The following NOTCH4 variants were observed in gnomAD, a reference collection of about 807,000 sequenced individuals.
NOTCH4 encodes neurogenic locus notch homolog protein 4.
Under a neutral mutation model 189.0 loss-of-function variants are expected in NOTCH4, and 138 were observed. That is an observed-to-expected ratio of 0.73 (90% CI 0.64 to 0.84). The LOEUF (loss-of-function observed/expected upper bound fraction) is 0.84, where lower values mean the gene tolerates loss of function less well. NOTCH4 is among the 40% of genes least tolerant of loss of function. The probability of loss-of-function intolerance (pLI) is 0.00; values close to 1 mark genes in which losing one functional copy is unlikely to be tolerated. For missense variants in NOTCH4, 2,286 were observed against 2,605.4 expected, an observed-to-expected ratio of 0.88 and a Z score of 2.67; for synonymous variants, 942 against 1,032.8, an observed-to-expected ratio of 0.91 and a Z score of 1.69.
intron 18 of NOTCH4, among the ~76,000 whole-genome samples, chr6:32,205,331 C>T (rs1480495062): frequency 2.6e-5 from 4 of 151,526 alleles, no homozygotes; most frequent in East Asian, 4.0e-4. Flanking sequence ...GGGCAGATCA[C>T]GAGGTCAGGA....
Position 32,203,779 on chromosome 6 carries a change from G to T in NOTCH4, c.3222C>A (p.His1074Gln). 1 of 1,554,852 alleles carries T rather than the reference G, an allele frequency of 6.4e-7. No homozygotes were observed. Among genetic ancestry groups the T allele is most frequent in the Non-Finnish European group, 8.7e-7 (1 of 1,148,940 alleles). Residue 1074 changes from histidine to glutamine, a missense_variant, in exon 20 of 30, where the codon CAC becomes CAA. His to Gln is a conservative substitution (Grantham distance 24, BLOSUM62 0). Coordinates refer to ENST00000375023, the MANE Select transcript of NOTCH4 (RefSeq NM_004557.4). ...TAGSPLGFICHCPKGFEGPTC... is the reference protein window; with the variant it reads ...TAGSPLGFICQCPKGFEGPTC... ...ATTTGTGGTCACTTGCCTTGGGGCAGTGGCAGATGAAACCCAGGGGTGATC... is the reference window on the plus strand; with the variant it reads ...ATTTGTGGTCACTTGCCTTGGGGCATTGGCAGATGAAACCCAGGGGTGATC...
Position 32,197,614 on chromosome 6 carries a change from A to G in NOTCH4, c.4757-20T>C. 6.3e-7 allele frequency: 1 copy of G among 1,593,020 alleles called. No individual in the cohort carries two copies. Among genetic ancestry groups the G allele is most frequent in the Non-Finnish European group, 8.5e-7 (1 of 1,170,056 alleles). ...CCCCATCTGTTGGTAAGACAGAGTA[A>G]TGGGTCAATCTAAAGGACACAACAA... On this transcript the variant is annotated intron_variant, in intron 26 of 29. Coordinates refer to ENST00000375023, the MANE Select transcript of NOTCH4 (RefSeq NM_004557.4).
chr6:32,197,355 C>T lies in NOTCH4; in HGVS notation c.4996G>A (p.Ala1666Thr), dbSNP rs2127460946. The T allele has an allele frequency of 6.5e-7, 1 of 1,535,422 alleles. No homozygotes were observed. The highest frequency in any genetic ancestry group is 8.8e-7 in the Non-Finnish European group (1 of 1,141,880). Residue 1666 changes from alanine (A) to threonine (T), a missense_variant, in exon 27 of 30, where the codon GCA becomes ACA. This residue lies in a region of NOTCH4 where 1,903 missense variants were observed against 2,261.9 expected (regional missense o/e 0.84). Transcript: ENST00000375023. ...AGANPNQPDR[A>T]GRTPLHAAVA... ...GCAGCATGAAGGGGTGTGCGCCCTG[C>T]CCGGTCTGGCTGGTTGGGGTTGGCT...
chr6:32,201,293 C>T lies in NOTCH4; in HGVS notation c.3963G>A (p.Leu1321=). The part of the protein sequence containing the change: ...QLFALARVLS[L]TLRVGLWVRK... ...TTACCCAGAGTCCTACCCTCAGAGT[C>T]AGGGACAGCACCCGGGCCAGGGCAA... The change falls in exon 22 of 30, where the codon CTG becomes CTA. Residue 1321 remains leucine, a synonymous_variant. Coordinates refer to ENST00000375023, the MANE Select transcript of NOTCH4 (RefSeq NM_004557.4). This position sits in a 1 kb window ranked among gnomAD's most constrained non-coding sequence, Gnocchi z 5.5. 6.2e-7 allele frequency: 1 copy of T among 1,613,008 alleles called. No homozygotes were observed.
chr6:32,213,602 A>G, intron 14 of NOTCH4, 86 bp downstream of exon 14: 4 of 1,490,382 alleles, frequency 2.7e-6, no homozygotes, highest in Non-Finnish European at 2.7e-6. Flanking sequence ...GTTCAATTAA[A>G]TTTTAAAAAA....
Position 32,201,544 on chromosome 6 carries a change from G to A in NOTCH4, c.3756-44C>T. ...GGGACTCAGGACCTCCCTAAAACCT[G>A]ACTCTTTTCTTCACCCTAGAAAGAA... On this transcript the variant is annotated intron_variant, in intron 21 of 29. Transcript: ENST00000375023. This position sits in a 1 kb window ranked among gnomAD's most constrained non-coding sequence, Gnocchi z 5.5. The A allele has an allele frequency of 4.2e-6, 6 of 1,421,980 alleles. 1 individual carries two copies. In the South Asian group the frequency reaches 8.7e-5, roughly 21 times the overall value. 88.1% of individuals were successfully genotyped at this position (1,421,980 alleles called of 1,614,324 possible). A position where few individuals can be genotyped will look rare whatever the true frequency, so the allele number is the denominator to read the frequency against.
At chr6:32,223,736 T>C in intron 1 of NOTCH4, 120 bp downstream of exon 1, 13 of 1,036,926 alleles carry the variant, frequency 1.3e-5, no homozygotes, top group African/African-American at 3.2e-5. Flanking sequence ...ATTTGGGCAG[T>C]GAGAATCTCC....
Position 32,221,803 on chromosome 6 carries a change from T to C in NOTCH4, c.452-478A>G, listed in dbSNP as rs1789798626. Among the ~76,000 whole-genome samples, 1 of 152,184 alleles carries C rather than the reference T, an allele frequency of 6.6e-6. No individual in the cohort carries two copies. The highest frequency in any genetic ancestry group is 2.4e-5 in the African/African-American group (1 of 41,436). On this transcript the variant is annotated intron_variant, in intron 3 of 29. Coordinates refer to ENST00000375023, the MANE Select transcript of NOTCH4 (RefSeq NM_004557.4). This position sits in a 1 kb window ranked among gnomAD's most constrained non-coding sequence, Gnocchi z 4.3. ...TGGCGGCAGCAGTGGAGGTGCCAGG[T>C]GCTGAGCTGAGCAAGCATCTCCTGA...
rs759023119 is a variant in NOTCH4 at position 32,198,769 on chromosome 6, T to G, written c.4536-39A>C. 3 of 1,574,192 alleles carry G rather than the reference T, an allele frequency of 1.9e-6. No homozygotes were observed. Among genetic ancestry groups the G allele is most frequent in the East Asian group, 4.5e-5 (2 of 44,726 alleles). ...GGTGGGTAGAGGTTACACGGAATTA[T>G]GACCATCAGGGTCTCCAAAATTTCC... On this transcript the variant is annotated intron_variant, in intron 24 of 29. Transcript: ENST00000375023. The surrounding 1 kb of genome is among the most constrained non-coding windows in gnomAD (Gnocchi z 5.5).
chr6:32,216,695 T>G, intron 11 of NOTCH4: 1 of 595,816 alleles, frequency 1.7e-6, no homozygotes, highest in South Asian at 2.0e-5. Context: ...TGCCTTTTCT[T>G]TGAGCCCCGT....
At chr6:32,196,510 G>C (rs1232725419) in intron 28 of NOTCH4, 89 bp from the exon 29 acceptor site, 1 of 1,496,780 alleles carries the variant, frequency 6.7e-7, no homozygotes, top group East Asian at 2.3e-5. Flanking sequence ...TGGGGGAAGG[G>C]CTATTCGGGC....
chr6:32,216,766 C>A, intron 11 of NOTCH4, 179 bp downstream of exon 11: 1 of 790,630 alleles, frequency 1.3e-6, no homozygotes, highest in South Asian at 1.6e-5. Flanking sequence ...CCTACGGTAA[C>A]CCCTGCCCTT....
rs1211517676 is a variant in NOTCH4, at chr6:32,213,227, A to G, written c.2346T>C (p.Cys782=). 1.5e-5 allele frequency: 25 copies of G among 1,613,726 alleles called. No individual in the cohort carries two copies. Among genetic ancestry groups the G allele is most frequent in the Non-Finnish European group, 2.1e-5 (25 of 1,179,850 alleles). The change falls in exon 15 of 30, where the codon TGT becomes TGC. Residue 782 remains cysteine, a synonymous_variant. Coordinates refer to ENST00000375023, the MANE Select transcript of NOTCH4 (RefSeq NM_004557.4). ...AGGAGAAGGTGCCAGGCCTGTTCAC[A>G]CAGGTACCCCCATTGAAGCACGGGG... ...VSAPCFNGGT[C]VNRPGTFSCL...
intron 1 of NOTCH4, among the ~76,000 whole-genome samples, 193 bp downstream of exon 1, chr6:32,223,663 C>A (rs912833320): frequency 6.6e-6 from 1 of 152,090 alleles, no homozygotes; most frequent in Non-Finnish European, 1.5e-5. Flanking sequence ...GCAGTCACCA[C>A]CCCTGGCACC....
chr6:32,206,003 T>C (rs1788655253), intron 18 of NOTCH4, among the ~76,000 whole-genome samples: 2 of 151,898 alleles, frequency 1.3e-5, no homozygotes, highest in African/African-American at 4.8e-5. Flanking sequence ...CACCACTACA[T>C]TCCAGCCTGA....
rs1303653561 is a variant in NOTCH4, at chr6:32,201,212, T to G, written c.4044A>C (p.Glu1348Asp). The G allele has an allele frequency of 6.2e-7, 1 of 1,612,988 alleles. No individual in the cohort carries two copies. The highest frequency in any genetic ancestry group is 1.1e-5 in the South Asian group (1 of 91,084). ...MVYPYPGARA[E>D]EKLGGTRDPT... Reference sequence around the variant, plus strand: ...GGTCCCGAGTTCCTCCTAGCTTTTCTTCAGCCCGGGCCCCAGGATAGGGGT... The same window carrying G: ...GGTCCCGAGTTCCTCCTAGCTTTTCGTCAGCCCGGGCCCCAGGATAGGGGT... Residue 1348 changes from glutamate (E) to aspartate (D), a missense_variant, in exon 22 of 30, where the codon GAA (glutamate) becomes GAC (aspartate). Physicochemically the swap from Glu to Asp is conservative, Grantham distance 45. Coordinates refer to ENST00000375023, the MANE Select transcript of NOTCH4 (RefSeq NM_004557.4). The surrounding 1 kb of genome is among the most constrained non-coding windows in gnomAD (Gnocchi z 5.5).
At position 32,217,074 on chromosome 6, in the gene NOTCH4, CACAGCAGGAAGGTCAGGG is replaced by C; in HGVS notation, c.1739-25_1739-8del. On this transcript the variant is annotated splice_polypyrimidine_tract_variant and splice_region_variant and intron_variant, in intron 10 of 29. Transcript: ENST00000375023. This position sits in a 1 kb window ranked among gnomAD's most constrained non-coding sequence, Gnocchi z 4.2. ...CAGCGTGGCCCTTCAAAGCCTGTGG[CACAGCAGGAAGGTCAGGG>C]ACCTGCACGGATGTCTGCCTCCTGC... The C allele has an allele frequency of 6.2e-7, 1 of 1,613,100 alleles. No homozygotes were observed. The highest frequency in any genetic ancestry group is 8.5e-7 in the Non-Finnish European group (1 of 1,180,046).
Position 32,210,656 on chromosome 6 carries a change from T to G in NOTCH4, c.2865+96A>C. 1 of 1,209,034 alleles carries G rather than the reference T, an allele frequency of 8.3e-7. No individual in the cohort carries two copies. The highest frequency in any genetic ancestry group is 1.2e-6 in the Non-Finnish European group (1 of 833,588). The allele number at this position is 1,209,034 out of a possible 1,614,324, so 74.9% of individuals were successfully genotyped here. A position where few individuals can be genotyped will look rare whatever the true frequency, so the allele number is the denominator to read the frequency against. Reference sequence around the variant, plus strand: ...TGGGGTTAAAAAAAATAAAAGGAGGTGAAATGGATACATTGGGTCTTCCCT... The same window carrying G: ...TGGGGTTAAAAAAAATAAAAGGAGGGGAAATGGATACATTGGGTCTTCCCT... On this transcript the variant is annotated intron_variant, in intron 18 of 29. Transcript: ENST00000375023. The surrounding 1 kb of genome is among the most constrained non-coding windows in gnomAD (Gnocchi z 4.8).
chr6:32,204,365 T>G lies in NOTCH4; in HGVS notation c.2890A>C (p.Asn964His). The G allele has an allele frequency of 6.2e-7, 1 of 1,613,056 alleles. No homozygotes were observed. The highest frequency in any genetic ancestry group is 1.1e-5 in the South Asian group (1 of 91,076). Residue 964 changes from asparagine (N) to histidine (H), a missense_variant, in exon 19 of 30, where the codon AAC becomes CAC. This residue lies in a region of NOTCH4 where 1,903 missense variants were observed against 2,261.9 expected (regional missense o/e 0.84). Transcript: ENST00000375023. ...CAAGCATCGAGTTCCTTTGAGCAGT[T>G]CTGTCCATCGTAGCCTGGGGCACAC... ...CQCAPGYDGQ[N>H]CSKELDACQS...
Sources: allele counts gnomAD v4.1 joint callset (sites outside exome capture counted in the v4.1 genomes callset), GRCh38; gene constraint gnomAD v4.1.1; regional missense constraint gnomAD v4.1.1; non-coding constraint Gnocchi (gnomAD v3.1); transcripts MANE v1.5; gene names NCBI Gene and HGNC (gene_info 2026-07-23, HGNC 2026-07-21).